The following KCNMA1 variants were observed in gnomAD, a reference collection of about 807,000 sequenced individuals.
The protein encoded by KCNMA1 is potassium calcium-activated channel subfamily M alpha 1.
In KCNMA1, 29 loss-of-function variants were observed where a neutral mutation model predicts 140.0. The ratio of observed to expected loss-of-function variants is 0.21; its 90% CI spans 0.15 to 0.28. KCNMA1 has a LOEUF of 0.28. Ranked by LOEUF, KCNMA1 falls within the 10% of genes least tolerant of loss-of-function variation. The pLI, the probability that KCNMA1 is intolerant of heterozygous loss-of-function variation, is 1.00. For synonymous variants in KCNMA1, 612 were observed against 611.9 expected (o/e 1.00, Z 0.00); for missense variants, 880 against 1,602.2 (o/e 0.55, Z 7.70).
intron 10 of KCNMA1, among the ~76,000 whole-genome samples, chr10:77,089,436 T>C (rs1003513638): frequency 3.9e-5 from 6 of 152,292 alleles, no homozygotes; most frequent in Non-Finnish European, 5.9e-5. Flanking sequence ...ACCACACATG[T>C]CACCATAATG....
At position 76,923,437 on chromosome 10, in the gene KCNMA1, A is replaced by G. The variant is rs985636690; in HGVS notation, c.2903-8388T>C. On this transcript the variant is annotated intron_variant, in intron 23 of 27. Transcript: ENST00000286628. The stretch of plus-strand genomic sequence containing the variant: ...AAGCGAGACTCCGTCTCAAAAAAAA[A>G]AAAAAAAAGAAAAAAAGAATTCGCT... Among the ~76,000 whole-genome samples, 4 of 152,062 alleles carry G rather than the reference A, an allele frequency of 2.6e-5. No individual in the cohort carries two copies. The South Asian group carries it at 8.3e-4, about 32-fold the overall frequency.
At chr10:77,636,767 T>C (rs2093787495) in intron 1 of KCNMA1, 2 of 1,461,246 alleles carry the variant, frequency 1.4e-6, no homozygotes, top group Non-Finnish European at 1.8e-6. Flanking sequence ...GCCCAAAGGA[T>C]TTTTCCCTTC....
At position 77,404,824 on chromosome 10, in the gene KCNMA1, A is replaced by T. The variant is rs149092483; in HGVS notation, c.379-801T>A. Reference sequence around the variant, plus strand: ...ACCCCCTGCCAACAGCAATTGGGCCATTAATAATCACATGATCCATGCCAA... The same window carrying T: ...ACCCCCTGCCAACAGCAATTGGGCCTTTAATAATCACATGATCCATGCCAA... On this transcript the variant is annotated intron_variant, in intron 1 of 27. Coordinates refer to ENST00000286628, the MANE Select transcript of KCNMA1 (RefSeq NM_001161352.2). Among the ~76,000 whole-genome samples, 150 of 152,346 alleles carry T rather than the reference A, an allele frequency of 9.8e-4. 2 individuals are homozygous for T. The East Asian group carries it at 0.027, about 27-fold the overall frequency.
intron 14 of KCNMA1, among the ~76,000 whole-genome samples, chr10:77,067,497 T>C (rs1257093261): frequency 6.6e-6 from 1 of 152,220 alleles, no homozygotes; most frequent in Non-Finnish European, 1.5e-5. Flanking sequence ...CTCTCACGCA[T>C]GTGTGTGCAC....
intron 1 of KCNMA1, among the ~76,000 whole-genome samples, chr10:77,563,481 C>T (rs114733756): frequency 1.9e-3 from 292 of 152,258 alleles, no homozygotes; most frequent in African/African-American, 6.7e-3. Flanking sequence ...CCAGAGAGAA[C>T]TGACAGGTCT....
chr10:77,036,401 C>T (rs2094336471), intron 15 of KCNMA1, among the ~76,000 whole-genome samples: 1 of 152,206 alleles, frequency 6.6e-6, no homozygotes, highest in African/African-American at 2.4e-5. Context: ...CATAGAATGA[C>T]TCCCCTAGCT....
At chr10:76,915,912 T>A (rs2052647310) in intron 23 of KCNMA1, among the ~76,000 whole-genome samples, 1 of 152,054 alleles carries the variant, frequency 6.6e-6, no homozygotes, top group Admixed American at 6.6e-5. Flanking sequence ...TTAGTGATAT[T>A]GGCTCAAGTG....
At chr10:77,107,360 TG>T (rs1334928242) in intron 9 of KCNMA1, among the ~76,000 whole-genome samples, 1 of 152,236 alleles carries the variant, frequency 6.6e-6, no homozygotes, top group East Asian at 1.9e-4. Context: ...TGATAGTGAC[TG>T]GGTGTGTACA....
At chr10:77,332,288 C>CA (rs530808170) in intron 2 of KCNMA1, among the ~76,000 whole-genome samples, 1 of 152,064 alleles carries the variant, frequency 6.6e-6, no homozygotes, top group East Asian at 1.9e-4. Flanking sequence ...AACATTTGAG[C>CA]AAAAAATCCA....
chr10:77,525,536 T>A (rs2055265759), intron 1 of KCNMA1, among the ~76,000 whole-genome samples: 1 of 152,240 alleles, frequency 6.6e-6, no homozygotes, highest in South Asian at 2.1e-4. Flanking sequence ...TGTGTGGCAT[T>A]GACTAGAGTG....
At chr10:76,899,062 C>T (rs2043894646) in intron 25 of KCNMA1, among the ~76,000 whole-genome samples, 1 of 151,938 alleles carries the variant, frequency 6.6e-6, no homozygotes, top group South Asian at 2.1e-4. Context: ...CTCTTTAATA[C>T]CAATCACTGG....
intron 5 of KCNMA1, among the ~76,000 whole-genome samples, chr10:77,177,965 T>C (rs1166534906): frequency 6.6e-6 from 1 of 152,208 alleles, no homozygotes; most frequent in Non-Finnish European, 1.5e-5. Context: ...GCTTTTTTTA[T>C]ATAATCCTGT....
chr10:77,037,098 T>C (rs992115552), intron 15 of KCNMA1, among the ~76,000 whole-genome samples: 3 of 152,134 alleles, frequency 2.0e-5, no homozygotes, highest in Non-Finnish European at 2.9e-5. Context: ...TTGGGACATG[T>C]TCTAAATACA....
At chr10:77,223,123 G>C (rs532512619) in intron 3 of KCNMA1, among the ~76,000 whole-genome samples, 1 of 152,190 alleles carries the variant, frequency 6.6e-6, no homozygotes, top group African/African-American at 2.4e-5. Flanking sequence ...CAGCTACTCG[G>C]GAGGCTGAGG....
chr10:77,177,577 G>GTCC (rs1478789373), intron 5 of KCNMA1, among the ~76,000 whole-genome samples: 3 of 151,444 alleles, frequency 2.0e-5, no homozygotes, highest in Non-Finnish European at 4.4e-5. Context: ...GAGCTCAGGG[G>GTCC]TCCTCCTGCC....
chr10:77,429,146 T>C (rs1315623760), intron 1 of KCNMA1, among the ~76,000 whole-genome samples: 2 of 152,252 alleles, frequency 1.3e-5, no homozygotes, highest in East Asian at 1.9e-4. Context: ...GAGAATAATA[T>C]ACAGTTCAAG....
At chr10:77,215,025 T>G (rs2043216595) in intron 3 of KCNMA1, among the ~76,000 whole-genome samples, 1 of 152,202 alleles carries the variant, frequency 6.6e-6, no homozygotes, top group Non-Finnish European at 1.5e-5. Context: ...ACCCTGCTGT[T>G]TGACATCTTC....
intron 2 of KCNMA1, among the ~76,000 whole-genome samples, chr10:77,269,712 C>T (rs2064447544): frequency 6.6e-6 from 1 of 152,188 alleles, no homozygotes; most frequent in Non-Finnish European, 1.5e-5. Flanking sequence ...GTGACTATCT[C>T]CAGGGATCTG....
intron 23 of KCNMA1, among the ~76,000 whole-genome samples, chr10:76,943,751 G>A (rs767407919): frequency 6.6e-6 from 1 of 152,164 alleles, no homozygotes; most frequent in Non-Finnish European, 1.5e-5. Flanking sequence ...AGGCAGTGGT[G>A]GTGATGTCAA....
Sources: allele counts gnomAD v4.1 joint callset (sites outside exome capture counted in the v4.1 genomes callset), GRCh38; gene constraint gnomAD v4.1.1; transcripts MANE v1.5; gene names NCBI Gene and HGNC (gene_info 2026-07-23, HGNC 2026-07-21).